ZNF485: variants seen among roughly 807,000 people sequenced by gnomAD.
ZNF485 encodes zinc finger protein 485.
A neutral mutation model predicts 10.8 loss-of-function variants in ZNF485; 9 were observed. The observed-to-expected ratio is 0.83, with a 90% confidence interval of 0.50 to 1.45. The LOEUF (loss-of-function observed/expected upper bound fraction) is 1.45, where lower values mean the gene tolerates loss of function less well. Among genes scored for constraint, ZNF485 ranks in the 40% most tolerant of loss-of-function variants. ZNF485 has a pLI of 0.00. For synonymous variants in ZNF485, 187 were observed against 181.0 expected, an observed-to-expected ratio of 1.03 and a Z score of -0.27; for missense variants, 487 against 528.0, an observed-to-expected ratio of 0.92 and a Z score of 0.76.
chr10:43,608,101 C>A (rs1352426638), intron 2 of ZNF485, among the ~76,000 whole-genome samples: 4 of 152,082 alleles, frequency 2.6e-5, no homozygotes, highest in Non-Finnish European at 4.4e-5. Flanking sequence ...CCTGTAAATT[C>A]TCGGATAAAG....
At position 43,608,737 on chromosome 10, in the gene ZNF485, G is replaced by C. The variant is rs958183948; in HGVS notation, c.148G>C (p.Val50Leu). Reference sequence around the variant, plus strand: ...GGAGAACTATGGGAATCTGGTGTCTGTGGGTGAGGATGGCTTTCTCCTTGA... The same window carrying C: ...GGAGAACTATGGGAATCTGGTGTCTCTGGGTGAGGATGGCTTTCTCCTTGA... ...MLENYGNLVS[V>L]GLLSSKPKLI... Residue 50 changes from valine (V) to leucine (L), a missense_variant, in exon 3 of 5, where the codon GTG (valine) becomes CTG (leucine). Coordinates refer to ENST00000361807, the MANE Select transcript of ZNF485 (RefSeq NM_145312.4). 1 of 1,613,780 alleles carries C rather than the reference G, an allele frequency of 6.2e-7. No homozygotes were observed. Among genetic ancestry groups the C allele is most frequent in the African/African-American group, 1.3e-5 (1 of 74,920 alleles).
intron 4 of ZNF485, among the ~76,000 whole-genome samples, chr10:43,609,787 C>T (rs1838733651): frequency 6.6e-6 from 1 of 152,160 alleles, no homozygotes; most frequent in Middle Eastern, 3.2e-3. Flanking sequence ...GTCCTCCTGC[C>T]TCAGGCCCCT....
Position 43,616,707 on chromosome 10 carries a change from A to C in ZNF485, c.664A>C (p.Thr222Pro), listed in dbSNP as rs866083058. 1.9e-6 allele frequency: 3 copies of C among 1,614,088 alleles called. No homozygotes were observed. In the African/African-American group the frequency reaches 4.0e-5, roughly 22 times the overall value. ...KPHKCIECGK[T>P]FRKNSILLSH... ...CCACAAATGCATTGAATGTGGAAAA[A>C]CTTTCAGAAAGAACTCAATCCTTTT... Residue 222 changes from threonine (T) to proline (P), a missense_variant, in exon 5 of 5, where the codon ACT (threonine) becomes CCT (proline). By Grantham distance (38) the Thr-to-Pro change is conservative. Transcript: ENST00000361807.
At chr10:43,608,580 T>G in intron 2 of ZNF485, 34 bp from the exon 3 acceptor site, 1 of 1,586,410 alleles carries the variant, frequency 6.3e-7, no homozygotes, top group Non-Finnish European at 8.6e-7. Context: ...CCTCAGGGGT[T>G]CCCGGATGAG....
chr10:43,609,500 C>A, intron 4 of ZNF485, 150 bp downstream of exon 4: 1 of 601,406 alleles, frequency 1.7e-6, no homozygotes, highest in Non-Finnish European at 2.9e-6. Flanking sequence ...TGGCTGGCCG[C>A]TTTTCTCCCC....
At chr10:43,614,227 A>C (rs1293159391) in intron 4 of ZNF485, among the ~76,000 whole-genome samples, 2 of 151,864 alleles carry the variant, frequency 1.3e-5, no homozygotes, top group East Asian at 3.9e-4. Flanking sequence ...AAAAAAAAAA[A>C]GACCTTTTAG....
At chr10:43,607,203 G>T (rs1007534656) in intron 2 of ZNF485, 129 bp downstream of exon 2, 3 of 1,072,664 alleles carry the variant, frequency 2.8e-6, no homozygotes, top group African/African-American at 3.1e-5. Flanking sequence ...GATGGGTCCC[G>T]CGATTTCCGT....
Position 43,617,066 on chromosome 10 carries a change from T to C in ZNF485, c.1023T>C (p.Phe341=). The part of the protein sequence containing the change: ...CGKSFRYSSS[F]AGHQKTHSGN... ...AATCTTTCAGGTATAGCTCATCCTT[T>C]GCTGGTCATCAGAAAACTCACAGTG... The change falls in exon 5 of 5, where the codon TTT becomes TTC. Residue 341 remains phenylalanine (F), a synonymous_variant. Coordinates refer to ENST00000361807, the MANE Select transcript of ZNF485 (RefSeq NM_145312.4). The C allele has an allele frequency of 1.2e-6, 2 of 1,614,250 alleles. No individual in the cohort carries two copies. The highest frequency in any genetic ancestry group is 1.7e-6 in the Non-Finnish European group (2 of 1,180,038).
Position 43,608,724 on chromosome 10 carries a change from G to A in ZNF485, c.135G>A (p.Gly45=). ...LYRDVMLENY[G]NLVSVGLLSS... The stretch of plus-strand genomic sequence containing the variant: ...GGGATGTGATGCTGGAGAACTATGG[G>A]AATCTGGTGTCTGTGGGTGAGGATG... Residue 45 remains glycine, a synonymous_variant, in exon 3 of 5, where the codon GGG becomes GGA. Coordinates refer to ENST00000361807, the MANE Select transcript of ZNF485 (RefSeq NM_145312.4). 6.2e-7 allele frequency: 1 copy of A among 1,614,110 alleles called. No individual in the cohort carries two copies. Among genetic ancestry groups the A allele is most frequent in the Non-Finnish European group, 8.5e-7 (1 of 1,179,988 alleles).
intron 1 of ZNF485, 21 bp from the exon 2 acceptor site, chr10:43,606,976 A>G (rs1838660336): frequency 6.5e-7 from 1 of 1,544,512 alleles, no homozygotes; most frequent in Non-Finnish European, 8.8e-7. Flanking sequence ...GACTTCCTCA[A>G]TTTCCTCTCT....
At position 43,608,728 on chromosome 10, in the gene ZNF485, C is replaced by G. The variant is rs1838707642; in HGVS notation, c.139C>G (p.Leu47Val). 6.2e-7 allele frequency: 1 copy of G among 1,613,984 alleles called. No individual in the cohort carries two copies. The highest frequency in any genetic ancestry group is 8.5e-7 in the Non-Finnish European group (1 of 1,179,936). ...TGTGATGCTGGAGAACTATGGGAAT[C>G]TGGTGTCTGTGGGTGAGGATGGCTT... ...RDVMLENYGN[L>V]VSVGLLSSKP... Residue 47 changes from leucine (L) to valine (V), a missense_variant, in exon 3 of 5, where the codon CTG (leucine) becomes GTG (valine). Coordinates refer to ENST00000361807, the MANE Select transcript of ZNF485 (RefSeq NM_145312.4).
chr10:43,614,158 T>C (rs1257283286), intron 4 of ZNF485, among the ~76,000 whole-genome samples: 1 of 151,058 alleles, frequency 6.6e-6, no homozygotes, highest in African/African-American at 2.4e-5. Flanking sequence ...GAGGTTGCAG[T>C]GAGCTGAGAT....
chr10:43,608,977 TTTCTGTGTCATGA>T (rs1250340117), intron 3 of ZNF485, among the ~76,000 whole-genome samples: 2 of 152,136 alleles, frequency 1.3e-5, no homozygotes, highest in Non-Finnish European at 1.5e-5. Context: ...TTCTGGAATG[TTTCTGTGTCATGA>T]TTCATCTGCC....
At chr10:43,606,890 T>C in intron 1 of ZNF485, 107 bp from the exon 2 acceptor site, 2 of 785,574 alleles carry the variant, frequency 2.5e-6, no homozygotes, top group South Asian at 3.3e-5. Flanking sequence ...TGGACCTGTC[T>C]GCCCACCTGT....
intron 2 of ZNF485, among the ~76,000 whole-genome samples, chr10:43,607,592 TGGAGA>T (rs1838677953): frequency 6.6e-6 from 1 of 152,192 alleles, no homozygotes; most frequent in African/African-American, 2.4e-5. Context: ...GCTTTTATCC[TGGAGA>T]AAACTAGGTT....
At chr10:43,614,070 C>T (rs1018746120) in intron 4 of ZNF485, among the ~76,000 whole-genome samples, 2 of 152,108 alleles carry the variant, frequency 1.3e-5, no homozygotes, top group African/African-American at 2.4e-5. Flanking sequence ...AAAAAATTAG[C>T]TGGGTGTGGT....
chr10:43,608,737 G>T lies in ZNF485; in HGVS notation c.148G>T (p.Val50Leu). The T allele has an allele frequency of 6.2e-7, 1 of 1,613,898 alleles. No individual in the cohort carries two copies. The highest frequency in any genetic ancestry group is 8.5e-7 in the Non-Finnish European group (1 of 1,179,894). ...GGAGAACTATGGGAATCTGGTGTCT[G>T]TGGGTGAGGATGGCTTTCTCCTTGA... Reference protein sequence around the residue: ...MLENYGNLVSVGLLSSKPKLI... With the variant: ...MLENYGNLVSLGLLSSKPKLI... Residue 50 changes from valine (V) to leucine (L), a missense_variant, in exon 3 of 5, where the codon GTG (valine) becomes TTG (leucine). Transcript: ENST00000361807.
rs1294097871 is a variant in ZNF485, at chr10:43,616,950, T to C, written c.907T>C (p.Cys303Arg). The C allele has an allele frequency of 2.5e-6, 4 of 1,614,024 alleles. No homozygotes were observed. The highest frequency in any genetic ancestry group is 3.4e-6 in the Non-Finnish European group (4 of 1,180,052). The change falls in exon 5 of 5, where the codon TGT (cysteine) becomes CGT (arginine). Residue 303 changes from cysteine to arginine, a missense_variant. Physicochemically the swap from Cys to Arg is radical, Grantham distance 180 (BLOSUM62 -3). Transcript: ENST00000361807. ...TGAGAAGCCATATCAGTGTAATGAA[T>C]GTGGAAAAGCCTTTAGGAAGAGCTC... ...TGEKPYQCNE[C>R]GKAFRKSSTL... is the part of the protein sequence containing the mutation.
intron 4 of ZNF485, among the ~76,000 whole-genome samples, chr10:43,614,856 A>G (rs947792643): frequency 5.1e-4 from 77 of 152,118 alleles, no homozygotes; most frequent in African/African-American, 1.7e-3. Context: ...GTTAGGGTTT[A>G]TATATTTTTT....
Sources: gnomAD v4.1 joint callset for allele counts (sites outside exome capture counted in the v4.1 genomes callset) on GRCh38, gnomAD v4.1.1 for gene constraint, MANE v1.5 for transcripts, NCBI Gene and HGNC (gene_info 2026-07-23, HGNC 2026-07-21) for gene names.